IQCM: variants seen among roughly 807,000 people sequenced by gnomAD.
The protein encoded by IQCM is IQ domain-containing protein M.
A neutral mutation model predicts 57.6 loss-of-function variants in IQCM; 45 were observed. The observed-to-expected ratio is 0.78, with a 90% CI of 0.62 to 1.00. The LOEUF is 1.00. IQCM is among the 50% of genes least tolerant of loss of function. The probability of loss-of-function intolerance (pLI) is 0.00; values close to 1 mark genes in which losing one functional copy is unlikely to be tolerated. For missense variants in IQCM, 468 were observed against 511.6 expected (o/e 0.91, Z 0.82); for synonymous variants, 148 against 158.9 (o/e 0.93, Z 0.51).
chr4:149,644,095 A>G (rs1441560063), intron 7 of IQCM, among the ~76,000 whole-genome samples: 2 of 151,988 alleles, frequency 1.3e-5, no homozygotes, highest in East Asian at 3.9e-4. Flanking sequence ...CCAGTTGGTC[A>G]CCCTAAAATT....
intron 4 of IQCM, among the ~76,000 whole-genome samples, chr4:149,733,866 A>G (rs999828412): frequency 3.9e-5 from 6 of 152,196 alleles, no homozygotes; most frequent in Non-Finnish European, 7.3e-5. Flanking sequence ...TGTAAGAATT[A>G]AATTATTTTC....
intron 7 of IQCM, among the ~76,000 whole-genome samples, chr4:149,635,596 T>C (rs1485321681): frequency 6.6e-6 from 1 of 152,240 alleles, no homozygotes; most frequent in East Asian, 1.9e-4. Context: ...TATATTCCTT[T>C]CTGAAAATAG....
At chr4:149,633,865 T>C (rs1757498274) in intron 7 of IQCM, among the ~76,000 whole-genome samples, 1 of 152,290 alleles carries the variant, frequency 6.6e-6, no homozygotes, top group African/African-American at 2.4e-5. Context: ...AGCTACACCG[T>C]CATTTTTTTT....
At chr4:149,658,783 T>C (rs916122676) in intron 7 of IQCM, among the ~76,000 whole-genome samples, 1 of 152,154 alleles carries the variant, frequency 6.6e-6, no homozygotes, top group Non-Finnish European at 1.5e-5. Flanking sequence ...GACAGTTCAC[T>C]ATAATCATAT....
At chr4:149,548,187 C>T (rs1748649451) in intron 12 of IQCM, among the ~76,000 whole-genome samples, 2 of 152,036 alleles carry the variant, frequency 1.3e-5, no homozygotes, top group Non-Finnish European at 2.9e-5. Context: ...TACTTAAAAA[C>T]TATAAAAATG....
chr4:149,467,159 C>CA (rs1250967489), intron 12 of IQCM, among the ~76,000 whole-genome samples: 2 of 152,144 alleles, frequency 1.3e-5, no homozygotes, highest in Non-Finnish European at 2.9e-5. Flanking sequence ...AACATGTGGA[C>CA]AGGCAACACC....
chr4:149,433,322 G>T, intron 13 of IQCM, 74 bp downstream of exon 13: 1 of 635,708 alleles, frequency 1.6e-6, no homozygotes, highest in Non-Finnish European at 2.2e-6. Flanking sequence ...TCTAAGTGAT[G>T]AATACAGTTA....
At chr4:149,493,712 G>A (rs1183550196) in intron 12 of IQCM, among the ~76,000 whole-genome samples, 1 of 151,984 alleles carries the variant, frequency 6.6e-6, no homozygotes. Context: ...CATAATAAGA[G>A]AATGATTCAC....
At chr4:149,458,683 C>A (rs999021296) in intron 12 of IQCM, among the ~76,000 whole-genome samples, 1 of 151,912 alleles carries the variant, frequency 6.6e-6, no homozygotes, top group African/African-American at 2.4e-5. Flanking sequence ...TTCTTATAGA[C>A]AAGTTAGTTT....
At chr4:149,810,454 AT>A (rs201836705) in intron 2 of IQCM, among the ~76,000 whole-genome samples, 3 of 150,800 alleles carry the variant, frequency 2.0e-5, no homozygotes, top group Admixed American at 1.3e-4. Flanking sequence ...AAAACATATA[AT>A]TTTTTTTTCT....
At chr4:149,672,114 C>G (rs1435498925) in intron 7 of IQCM, among the ~76,000 whole-genome samples, 1 of 152,116 alleles carries the variant, frequency 6.6e-6, no homozygotes, top group Admixed American at 6.6e-5. Context: ...AAAACCCCAC[C>G]TATACATCAC....
chr4:149,777,976 G>A (rs1383309604), intron 2 of IQCM, among the ~76,000 whole-genome samples: 1 of 152,126 alleles, frequency 6.6e-6, no homozygotes, highest in East Asian at 1.9e-4. Context: ...TCTCTACCTT[G>A]AAGAACAGGA....
chr4:149,377,466 A>T (rs1261327401), intron 13 of IQCM, among the ~76,000 whole-genome samples: 5 of 152,096 alleles, frequency 3.3e-5, no homozygotes. Flanking sequence ...CTTCTTCTCA[A>T]TATTTAGAGA....
chr4:149,635,842 C>A (rs1365078583), intron 7 of IQCM, among the ~76,000 whole-genome samples: 2 of 152,032 alleles, frequency 1.3e-5, no homozygotes, highest in Non-Finnish European at 2.9e-5. Flanking sequence ...CTGTATATTT[C>A]TTTAAATTGG....
chr4:149,572,279 T>C (rs1751230874), intron 9 of IQCM, among the ~76,000 whole-genome samples: 1 of 151,774 alleles, frequency 6.6e-6, no homozygotes, highest in Non-Finnish European at 1.5e-5. Flanking sequence ...CTTTTATTAA[T>C]ATATTTTTAT....
intron 12 of IQCM, among the ~76,000 whole-genome samples, chr4:149,443,277 T>C (rs1264864784): frequency 6.6e-6 from 1 of 152,022 alleles, no homozygotes; most frequent in Non-Finnish European, 1.5e-5. Flanking sequence ...TGCAGCAACA[T>C]CTAGATTAGT....
rs116246109 is a variant in IQCM at position 149,741,545 on chromosome 4, A to G, written c.37+1110T>C. Among the ~76,000 whole-genome samples the G allele has an allele frequency of 4.3e-3, 650 of 152,208 alleles. 5 individuals carry two copies. Among genetic ancestry groups the G allele is most frequent in the African/African-American group, 0.012 (519 of 41,546 alleles). On this transcript the variant is annotated intron_variant, in intron 3 of 13. Transcript: ENST00000636793. ...TCTTTAAAAGTGTTCTGTGTTATCC[A>G]CATAAAAAGAGAGTTAAAGTGATCA... is the stretch of plus-strand genomic sequence containing the variant.
intron 2 of IQCM, among the ~76,000 whole-genome samples, chr4:149,771,156 A>G (rs991153809): frequency 1.3e-5 from 2 of 152,100 alleles, no homozygotes; most frequent in Non-Finnish European, 2.9e-5. Flanking sequence ...TTTATTTTTC[A>G]GACAGATAAC....
chr4:149,674,450 A>C (rs2150186280), intron 7 of IQCM, among the ~76,000 whole-genome samples: 1 of 152,260 alleles, frequency 6.6e-6, no homozygotes, highest in South Asian at 2.1e-4. Flanking sequence ...ATACCAGATA[A>C]GTAAAATAGG....
Sources: gnomAD v4.1 joint callset for allele counts (sites outside exome capture counted in the v4.1 genomes callset) on GRCh38, gnomAD v4.1.1 for gene constraint, MANE v1.5 for transcripts, NCBI Gene and HGNC (gene_info 2026-07-23, HGNC 2026-07-21) for gene names.